The following THAP4 variants were observed in gnomAD, a reference collection of about 807,000 sequenced individuals.
The protein encoded by THAP4 is peroxynitrite isomerase THAP4.
Under a neutral mutation model 48.1 loss-of-function variants are expected in THAP4, and 18 were observed. The ratio of observed to expected loss-of-function variants is 0.37; its 90% CI spans 0.26 to 0.56. The LOEUF (loss-of-function observed/expected upper bound fraction) is 0.56, where lower values mean the gene tolerates loss of function less well. Among genes scored for constraint, THAP4 ranks in the 20% least tolerant of loss-of-function variants. The pLI is 0.78. For synonymous variants in THAP4, 345 were observed against 324.9 expected, an observed-to-expected ratio of 1.06 and a Z score of -0.66; for missense variants, 656 against 774.9, an observed-to-expected ratio of 0.85 and a Z score of 1.82.
chr2:241,616,568 C>A lies in THAP4; in HGVS notation c.1241-10095G>T, dbSNP rs1387968280. ...CGGGCCCTGGAGAGAAGCTACCCTG[C>A]AGGCGGCTGCTGCTTCAGGGGCACA... On this transcript the variant is annotated intron_variant, in intron 2 of 5. Transcript: ENST00000407315. The surrounding 1 kb of genome is among the most constrained non-coding windows in gnomAD (Gnocchi z 4.6). Among the ~76,000 whole-genome samples the A allele has an allele frequency of 6.6e-6, 1 of 152,198 alleles. No homozygotes were observed. The highest frequency in any genetic ancestry group is 1.5e-5 in the Non-Finnish European group (1 of 68,034).
intron 2 of THAP4, among the ~76,000 whole-genome samples, chr2:241,608,424 A>G (rs2067217393): frequency 6.6e-6 from 1 of 152,196 alleles, no homozygotes; most frequent in South Asian, 2.1e-4. Flanking sequence ...TTATATCAGT[A>G]TTTCCTCCTC....
chr2:241,604,268 G>A (rs562001907), intron 3 of THAP4, among the ~76,000 whole-genome samples: 2 of 149,486 alleles, frequency 1.3e-5, no homozygotes, highest in South Asian at 2.1e-4. Flanking sequence ...TTTATTTTTT[G>A]AGACAGAGTT....
At chr2:241,620,401 GGGAGAGTGAGT>G in intron 2 of THAP4, among the ~76,000 whole-genome samples, 1 of 136,176 alleles carries the variant, frequency 7.3e-6, no homozygotes, top group Non-Finnish European at 1.6e-5. Flanking sequence ...AGTGAGTGAG[GGGAGAGTGAGT>G]CGGTGAGTGA....
chr2:241,601,138 C>T lies in THAP4; in HGVS notation c.1614+758G>A, dbSNP rs181963461. Reference sequence around the variant, plus strand: ...TACTAATAATACAAAATTAGCCAGGCGTGGTGGCGCATGCCTGTAATCCCA... The same window carrying T: ...TACTAATAATACAAAATTAGCCAGGTGTGGTGGCGCATGCCTGTAATCCCA... On this transcript the variant is annotated intron_variant, in intron 5 of 5. Transcript: ENST00000407315. This position sits in a 1 kb window ranked among gnomAD's most constrained non-coding sequence, Gnocchi z 4.0. Among the ~76,000 whole-genome samples, 844 of 152,004 alleles carry T rather than the reference C, an allele frequency of 5.6e-3. 11 individuals are homozygous for T. The highest frequency in any genetic ancestry group is 0.02 in the African/African-American group (818 of 41,436).
chr2:241,620,354 G>T (rs1315605482), intron 2 of THAP4, among the ~76,000 whole-genome samples: 1 of 119,844 alleles, frequency 8.3e-6, no homozygotes. Flanking sequence ...TGAGGGGTGA[G>T]TGAGTCGGTG....
Position 241,610,020 on chromosome 2 carries a change from G to C in THAP4, c.1241-3547C>G, listed in dbSNP as rs2067244132. Among the ~76,000 whole-genome samples, 1 of 151,650 alleles carries C rather than the reference G, an allele frequency of 6.6e-6. No individual in the cohort carries two copies. The highest frequency in any genetic ancestry group is 2.1e-4 in the South Asian group (1 of 4,812). ...CCAGGTTCTGAGCTGCTGCACCGGGGCCGCGATCTCCACCCCTCACGCCCG... is the reference window on the plus strand; with the variant it reads ...CCAGGTTCTGAGCTGCTGCACCGGGCCCGCGATCTCCACCCCTCACGCCCG... On this transcript the variant is annotated intron_variant, in intron 2 of 5. Coordinates refer to ENST00000407315, the MANE Select transcript of THAP4 (RefSeq NM_015963.6). The surrounding 1 kb of genome is among the most constrained non-coding windows in gnomAD (Gnocchi z 4.2).
chr2:241,613,527 G>A (rs1158519427), intron 2 of THAP4, among the ~76,000 whole-genome samples: 1 of 152,184 alleles, frequency 6.6e-6, no homozygotes, highest in Non-Finnish European at 1.5e-5. Flanking sequence ...GCCGAGGAGG[G>A]TGGATTGCCT....
At chr2:241,605,603 G>A (rs1178161057) in intron 3 of THAP4, among the ~76,000 whole-genome samples, 2 of 152,060 alleles carry the variant, frequency 1.3e-5, no homozygotes, top group East Asian at 1.9e-4. Flanking sequence ...TTTCTTGTAC[G>A]GTAAGAATAT....
At chr2:241,597,026 A>G (rs188700463) in intron 5 of THAP4, among the ~76,000 whole-genome samples, 40 of 152,382 alleles carry the variant, frequency 2.6e-4, no homozygotes, top group African/African-American at 8.9e-4. Context: ...TAATTGTGCT[A>G]CATTAGATGG....
In THAP4 at chr2:241,584,580, TC is replaced by T. The variant is rs763711655; in HGVS notation, c.*25del. 80 of 1,613,758 alleles carry T rather than the reference TC, an allele frequency of 5.0e-5. No homozygotes were observed. The highest frequency in any genetic ancestry group is 3.1e-5 in the Non-Finnish European group (36 of 1,179,914). On this transcript the variant is annotated 3_prime_UTR_variant, in exon 6 of 6. Coordinates refer to ENST00000407315, the MANE Select transcript of THAP4 (RefSeq NM_015963.6). ...CCGTTGAGGCACAGTAGCCAGGCCC[TC>T]CCGAGGGCTCCAGAAGCTCTAGGTT... is the stretch of plus-strand genomic sequence containing the variant.
chr2:241,584,870 AGGGCCCCTG>A, intron 5 of THAP4, 145 bp from the exon 6 acceptor site: 1 of 1,004,406 alleles, frequency 1.0e-6, no homozygotes, highest in Non-Finnish European at 1.5e-6. Context: ...CACACAGCCC[AGGGCCCCTG>A]GGCATGTCAC....
At position 241,612,704 on chromosome 2, in the gene THAP4, G is replaced by A. The variant is rs1262831189; in HGVS notation, c.1241-6231C>T. 6.6e-6 allele frequency among the ~76,000 whole-genome samples: 1 copy of A among 152,228 alleles called. No homozygotes were observed. Among genetic ancestry groups the A allele is most frequent in the African/African-American group, 2.4e-5 (1 of 41,454 alleles). ...CTGCAATTCCATTTCTGTGAAAGGTGCAGAACACACACATCTACAGAGACA... is the reference window on the plus strand; with the variant it reads ...CTGCAATTCCATTTCTGTGAAAGGTACAGAACACACACATCTACAGAGACA... On this transcript the variant is annotated intron_variant, in intron 2 of 5. Transcript: ENST00000407315. This position sits in a 1 kb window ranked among gnomAD's most constrained non-coding sequence, Gnocchi z 4.1.
At position 241,612,902 on chromosome 2, in the gene THAP4, G is replaced by A. The variant is rs2067295420; in HGVS notation, c.1241-6429C>T. On this transcript the variant is annotated intron_variant, in intron 2 of 5. Coordinates refer to ENST00000407315, the MANE Select transcript of THAP4 (RefSeq NM_015963.6). The surrounding 1 kb of genome is among the most constrained non-coding windows in gnomAD (Gnocchi z 4.1). ...GCTCACTGACACGTGCAGTGAGTGC[G>A]AGCTACAAACTAGATTCCGAAAACT... Among the ~76,000 whole-genome samples, 2 of 152,140 alleles carry A rather than the reference G, an allele frequency of 1.3e-5. No individual in the cohort carries two copies. The highest frequency in any genetic ancestry group is 2.9e-5 in the Non-Finnish European group (2 of 68,032).
intron 2 of THAP4, among the ~76,000 whole-genome samples, chr2:241,621,821 A>C (rs2067431859): frequency 6.6e-6 from 1 of 152,138 alleles, no homozygotes; most frequent in Non-Finnish European, 1.5e-5. Flanking sequence ...ATCTACACAT[A>C]GGCATGTCAT....
intron 2 of THAP4, among the ~76,000 whole-genome samples, chr2:241,606,955 A>T (rs1268364283): frequency 1.3e-5 from 2 of 152,218 alleles, no homozygotes; most frequent in Non-Finnish European, 2.9e-5. Context: ...TGGCGTGAAG[A>T]GTGTGTGAAG....
chr2:241,599,069 T>C (rs2067082639), intron 5 of THAP4, among the ~76,000 whole-genome samples: 1 of 152,014 alleles, frequency 6.6e-6, no homozygotes, highest in Non-Finnish European at 1.5e-5. Context: ...CTGGCCAACA[T>C]GGTGAAACCC....
chr2:241,618,850 C>G (rs566050988), intron 2 of THAP4, among the ~76,000 whole-genome samples: 117 of 152,134 alleles, frequency 7.7e-4, no homozygotes, highest in Non-Finnish European at 1.3e-3. Context: ...CCTCATGTCT[C>G]TGGGATGAGG....
intron 5 of THAP4, among the ~76,000 whole-genome samples, chr2:241,599,677 C>A (rs1048707749): frequency 6.6e-6 from 1 of 152,064 alleles, no homozygotes; most frequent in Non-Finnish European, 1.5e-5. Context: ...ATATTGCTAC[C>A]CATGAAAATA....
intron 5 of THAP4, among the ~76,000 whole-genome samples, chr2:241,589,321 G>C (rs1222098533): frequency 1.3e-5 from 2 of 149,482 alleles, no homozygotes; most frequent in Non-Finnish European, 2.9e-5. Context: ...GCACAGGATA[G>C]GAATATCGTG....
Sources: allele counts gnomAD v4.1 joint callset (sites outside exome capture counted in the v4.1 genomes callset), GRCh38; gene constraint gnomAD v4.1.1; non-coding constraint Gnocchi (gnomAD v3.1); transcripts MANE v1.5; gene names NCBI Gene and HGNC (gene_info 2026-07-23, HGNC 2026-07-21).